The following CFDP1 variants were observed in gnomAD, a reference collection of about 807,000 sequenced individuals.
CFDP1 encodes the protein chromatin remodeling protein CFDP1.
Under a neutral mutation model 40.1 loss-of-function variants are expected in CFDP1, and 31 were observed. The ratio of observed to expected loss-of-function variants is 0.77; its 90% confidence interval spans 0.58 to 1.04. The LOEUF (loss-of-function observed/expected upper bound fraction) is 1.04, where lower values mean the gene tolerates loss of function less well. Ranked by LOEUF, CFDP1 falls within the 50% of genes least tolerant of loss-of-function variation. The pLI is 0.00. For missense variants in CFDP1, 423 were observed against 343.4 expected (o/e 1.23, Z -1.83); for synonymous variants, 167 against 120.0 (o/e 1.39, Z -2.56).
Position 75,324,742 on chromosome 16 carries a change from T to TAAA in CFDP1, c.651-19563_651-19561dup, listed in dbSNP as rs3071616. On this transcript the variant is annotated intron_variant, in intron 5 of 6. Transcript: ENST00000283882. Reference sequence around the variant, plus strand: ...TGGGCTACAGAGTGAGACTTTGTCTTAAAAAAAAAAAAAAAAAAATTGCTG... The same window carrying TAAA: ...TGGGCTACAGAGTGAGACTTTGTCTTAAAAAAAAAAAAAAAAAAAAAATTGCTG... 9.2e-3 allele frequency: 1,268 copies of TAAA among 137,582 alleles called. 17 individuals carry two copies. Among genetic ancestry groups the TAAA allele is most frequent in the East Asian group, 0.017 (78 of 4,696 alleles). 8.5% of individuals were successfully genotyped at this position (137,582 alleles called of 1,614,324 possible). A position where few individuals can be genotyped will look rare whatever the true frequency, so the allele number is the denominator to read the frequency against.
chr16:75,343,883 G>C (rs1430938011), intron 5 of CFDP1, among the ~76,000 whole-genome samples: 1 of 152,150 alleles, frequency 6.6e-6, no homozygotes, highest in Non-Finnish European at 1.5e-5. Context: ...CAATACATAA[G>C]CATGCGACAT....
intron 4 of CFDP1, among the ~76,000 whole-genome samples, chr16:75,401,695 G>A (rs2079056082): frequency 6.6e-6 from 1 of 152,154 alleles, no homozygotes. Flanking sequence ...CTAAGTGATA[G>A]CTTAAGGAAA....
intron 5 of CFDP1, among the ~76,000 whole-genome samples, chr16:75,359,592 T>G (rs1382718528): frequency 6.6e-6 from 1 of 152,298 alleles, no homozygotes. Context: ...TAAACCAATC[T>G]TTCCTGAGAC....
chr16:75,332,579 A>G (rs2078453899), intron 5 of CFDP1, among the ~76,000 whole-genome samples: 1 of 151,944 alleles, frequency 6.6e-6, no homozygotes, highest in Non-Finnish European at 1.5e-5. Context: ...AAGTGGGAGT[A>G]TCCTTTAAGC....
At chr16:75,398,996 G>A (rs1216923475) in intron 4 of CFDP1, among the ~76,000 whole-genome samples, 1 of 148,010 alleles carries the variant, frequency 6.8e-6, no homozygotes, top group African/African-American at 2.5e-5. Context: ...GGTGGAGCTT[G>A]CAGTGAGCCG....
Position 75,313,398 on chromosome 16 carries a change from C to A in CFDP1, c.651-8216G>T, listed in dbSNP as rs184187562. 7.9e-5 allele frequency among the ~76,000 whole-genome samples: 12 copies of A among 152,268 alleles called. No homozygotes were observed. In the East Asian group the frequency reaches 2.3e-3, roughly 29 times the overall value. ...AGGCTGGAGTGCAGTGGCGTGGTCT[C>A]GGCTCACTACAGCCTCTGCTTCCTG... On this transcript the variant is annotated intron_variant, in intron 5 of 6. Transcript: ENST00000283882.
intron 4 of CFDP1, among the ~76,000 whole-genome samples, chr16:75,403,088 C>T (rs1325388421): frequency 2.0e-5 from 3 of 152,250 alleles, no homozygotes; most frequent in Admixed American, 1.3e-4. Flanking sequence ...GAGAAAACAG[C>T]AGACGCCCTG....
intron 5 of CFDP1, among the ~76,000 whole-genome samples, chr16:75,379,406 C>A (rs1011344252): frequency 6.6e-6 from 1 of 151,452 alleles, no homozygotes; most frequent in South Asian, 2.1e-4. Flanking sequence ...GATATCACTA[C>A]AAGTATCAAA....
intron 5 of CFDP1, among the ~76,000 whole-genome samples, chr16:75,350,573 G>T (rs1371650426): frequency 6.6e-6 from 1 of 152,106 alleles, no homozygotes; most frequent in Non-Finnish European, 1.5e-5. Context: ...CATAACTTAA[G>T]TAGAGGATAG....
chr16:75,366,312 C>A (rs1157269824), intron 5 of CFDP1, among the ~76,000 whole-genome samples: 1 of 152,190 alleles, frequency 6.6e-6, no homozygotes, highest in East Asian at 1.9e-4. Flanking sequence ...CCCCAAAGAT[C>A]CTCATTCATT....
intron 5 of CFDP1, among the ~76,000 whole-genome samples, chr16:75,389,231 A>G (rs1194169316): frequency 1.3e-5 from 2 of 152,360 alleles, no homozygotes; most frequent in Non-Finnish European, 2.9e-5. Context: ...AGTAGCTAAC[A>G]GTACTGGTAG....
At chr16:75,357,342 C>G (rs1279237024) in intron 5 of CFDP1, among the ~76,000 whole-genome samples, 2 of 152,114 alleles carry the variant, frequency 1.3e-5, no homozygotes, top group Admixed American at 1.3e-4. Context: ...GCAACCTCCA[C>G]CTCCCGAGTT....
chr16:75,362,141 G>A (rs1453553922), intron 5 of CFDP1, among the ~76,000 whole-genome samples: 1 of 152,222 alleles, frequency 6.6e-6, no homozygotes, highest in Admixed American at 6.5e-5. Flanking sequence ...AGACGGGACA[G>A]TCCTGGGTCA....
intron 5 of CFDP1, among the ~76,000 whole-genome samples, chr16:75,361,918 G>A (rs1425161970): frequency 4.6e-5 from 7 of 151,952 alleles, no homozygotes; most frequent in Admixed American, 6.6e-5. Flanking sequence ...ATTCTGCTAC[G>A]GCATGAGCTG....
chr16:75,389,080 G>T (rs954936703), intron 5 of CFDP1, among the ~76,000 whole-genome samples: 1 of 152,106 alleles, frequency 6.6e-6, no homozygotes, highest in African/African-American at 2.4e-5. Context: ...AATGCGTAAG[G>T]GTAGGATTAC....
At chr16:75,344,077 C>T (rs2078545462) in intron 5 of CFDP1, among the ~76,000 whole-genome samples, 1 of 152,142 alleles carries the variant, frequency 6.6e-6, no homozygotes, top group Non-Finnish European at 1.5e-5. Flanking sequence ...TACTGTATGA[C>T]AACAAGCTGT....
intron 6 of CFDP1, among the ~76,000 whole-genome samples, chr16:75,303,395 A>ATGT (rs1491510154): frequency 8.8e-4 from 55 of 62,166 alleles, no homozygotes; most frequent in Admixed American, 2.3e-3. Context: ...ATAAATAAAT[A>ATGT]AATAAATGTA....
intron 4 of CFDP1, among the ~76,000 whole-genome samples, chr16:75,401,089 T>G (rs542135455): frequency 3.6e-4 from 52 of 145,684 alleles, no homozygotes; most frequent in Non-Finnish European, 6.7e-4. Context: ...AGGTCAGGAG[T>G]TCCAGACCAG....
chr16:75,355,396 A>G (rs2078639047), intron 5 of CFDP1, among the ~76,000 whole-genome samples: 2 of 152,208 alleles, frequency 1.3e-5, no homozygotes, highest in Admixed American at 1.3e-4. Flanking sequence ...CTATTGCTTT[A>G]TCAACTAAAT....
Sources: gnomAD v4.1 joint callset for allele counts (sites outside exome capture counted in the v4.1 genomes callset) on GRCh38, gnomAD v4.1.1 for gene constraint, MANE v1.5 for transcripts, NCBI Gene and HGNC (gene_info 2026-07-23, HGNC 2026-07-21) for gene names.